The following TAFA1 variants were observed in gnomAD, a reference collection of about 807,000 sequenced individuals.
The protein encoded by TAFA1 is TAFA chemokine like family member 1.
TAFA1 carries 4 observed loss-of-function variants against 18.5 expected under a neutral mutation model. The ratio of observed to expected loss-of-function variants is 0.22; its 90% CI spans 0.11 to 0.49. TAFA1 has a LOEUF of 0.49. Ranked by LOEUF, TAFA1 falls within the 20% of genes least tolerant of loss-of-function variation. The pLI, the probability that TAFA1 is intolerant of heterozygous loss-of-function variation, is 0.98. For synonymous variants in TAFA1, 56 were observed against 55.2 expected, an observed-to-expected ratio of 1.01 and a Z score of -0.06; for missense variants, 147 against 169.0, an observed-to-expected ratio of 0.87 and a Z score of 0.72.
At chr3:68,333,492 G>A (rs1304643595) in intron 2 of TAFA1, among the ~76,000 whole-genome samples, 1 of 152,000 alleles carries the variant, frequency 6.6e-6, no homozygotes, top group Non-Finnish European at 1.5e-5. Context: ...GAGGGTGGGT[G>A]GAGGGTGATC....
At chr3:68,038,387 G>A (rs3928184) in intron 2 of TAFA1, among the ~76,000 whole-genome samples, 10,086 of 152,194 alleles carry the variant, frequency 0.066, 373 homozygotes, top group Non-Finnish European at 0.086. Context: ...AACCAATCAG[G>A]AATTCTGTAT....
chr3:68,406,676 T>C lies in TAFA1; in HGVS notation c.119-10604T>C, dbSNP rs193041510. Among the ~76,000 whole-genome samples, 727 of 152,288 alleles carry C rather than the reference T, an allele frequency of 4.8e-3. 9 individuals are homozygous for C. The highest frequency in any genetic ancestry group is 0.01 in the Middle Eastern group (3 of 294). On this transcript the variant is annotated intron_variant, in intron 2 of 4. Transcript: ENST00000478136. ...AATTTGAGGACAGAGAATAGAAAAG[T>C]GGAGATATATCCTCAGCCTTATTTT...
chr3:68,014,922 G>A (rs1246807084), intron 2 of TAFA1, among the ~76,000 whole-genome samples: 1 of 152,050 alleles, frequency 6.6e-6, no homozygotes, highest in African/African-American at 2.4e-5. Flanking sequence ...CAAGACTGAT[G>A]GCTCTATCCT....
At chr3:68,145,605 C>T (rs57701717) in intron 2 of TAFA1, 57,904 of 1,471,228 alleles carry the variant, frequency 0.039, 1,963 homozygotes, top group African/African-American at 0.16. Context: ...GCCAGACTGA[C>T]GGATTATGTG....
At chr3:68,313,846 T>C (rs2068562392) in intron 2 of TAFA1, among the ~76,000 whole-genome samples, 1 of 152,222 alleles carries the variant, frequency 6.6e-6, no homozygotes, top group Admixed American at 6.5e-5. Context: ...TTAAAGTCAA[T>C]TTCCATAGAA....
intron 2 of TAFA1, among the ~76,000 whole-genome samples, chr3:68,367,682 C>G (rs1335186940): frequency 6.6e-6 from 1 of 152,084 alleles, no homozygotes; most frequent in African/African-American, 2.4e-5. Context: ...TCTAGTCCAA[C>G]CATACCCCAG....
chr3:68,130,067 T>A (rs1239410690), intron 2 of TAFA1, among the ~76,000 whole-genome samples: 1 of 152,140 alleles, frequency 6.6e-6, no homozygotes, highest in Non-Finnish European at 1.5e-5. Context: ...GGTTTTTATT[T>A]TATTTAATAT....
Position 68,331,856 on chromosome 3 carries a change from CTTTTTTTTT to C in TAFA1, c.119-85407_119-85399del, listed in dbSNP as rs60291932. The stretch of plus-strand genomic sequence containing the variant: ...TGGGTAAAGGATAGTCTTTTCTTTT[CTTTTTTTTT>C]TTTTTTTTTTTTTTTTGAGACGGAG... On this transcript the variant is annotated intron_variant, in intron 2 of 4. Transcript: ENST00000478136. Among the ~76,000 whole-genome samples the C allele has an allele frequency of 7.7e-3, 586 of 76,224 alleles. 4 individuals carry two copies. Among genetic ancestry groups the C allele is most frequent in the Middle Eastern group, 0.04 (2 of 50 alleles). The allele number at this position is 76,224 out of a possible 152,430, so 50.0% of individuals were successfully genotyped here.
chr3:68,020,866 A>T (rs2106795966), intron 2 of TAFA1, among the ~76,000 whole-genome samples: 1 of 152,246 alleles, frequency 6.6e-6, no homozygotes, highest in African/African-American at 2.4e-5. Flanking sequence ...ACGTAATTAC[A>T]GGTGAAGGTG....
intron 2 of TAFA1, among the ~76,000 whole-genome samples, chr3:68,415,174 C>T (rs573215802): frequency 1.1e-4 from 16 of 152,192 alleles, no homozygotes; most frequent in Admixed American, 2.6e-4. Flanking sequence ...TTTATTTCTT[C>T]TCCTTCGCTA....
chr3:68,337,931 A>G (rs2069003151), intron 2 of TAFA1, among the ~76,000 whole-genome samples: 1 of 152,204 alleles, frequency 6.6e-6, no homozygotes, highest in African/African-American at 2.4e-5. Context: ...AATTTCATTA[A>G]TTCACTGAAG....
intron 2 of TAFA1, among the ~76,000 whole-genome samples, chr3:68,245,546 G>C (rs538918842): frequency 6.6e-6 from 1 of 152,290 alleles, no homozygotes; most frequent in African/African-American, 2.4e-5. Flanking sequence ...GTGAACAAGA[G>C]GGTCACCTGA....
At chr3:68,230,383 G>T (rs1335111111) in intron 2 of TAFA1, among the ~76,000 whole-genome samples, 2 of 151,298 alleles carry the variant, frequency 1.3e-5, no homozygotes, top group East Asian at 3.9e-4. Flanking sequence ...TTGTCTTTCT[G>T]TGCCTGGCTT....
chr3:67,992,353 G>C, the TAFA1 span, among the ~76,000 whole-genome samples: 1 of 152,212 alleles, frequency 6.6e-6, no homozygotes, highest in African/African-American at 2.4e-5. Context: ...TATACTTAGA[G>C]AGGCAACACA....
At chr3:68,175,160 G>T (rs1443010033) in intron 2 of TAFA1, among the ~76,000 whole-genome samples, 1 of 151,842 alleles carries the variant, frequency 6.6e-6, no homozygotes, top group South Asian at 2.1e-4. Flanking sequence ...ACACCTGGAT[G>T]TCCAGGCAGA....
chr3:68,208,512 G>A (rs1221675680), intron 2 of TAFA1, among the ~76,000 whole-genome samples: 1 of 151,914 alleles, frequency 6.6e-6, no homozygotes, highest in Non-Finnish European at 1.5e-5. Context: ...CACCAATCAG[G>A]ACAAGGCTAC....
At chr3:68,523,224 A>G (rs773261898) in intron 3 of TAFA1, among the ~76,000 whole-genome samples, 8 of 152,252 alleles carry the variant, frequency 5.3e-5, no homozygotes, top group Non-Finnish European at 8.8e-5. Flanking sequence ...AACACTGCTC[A>G]GTTGTTTTTA....
At chr3:68,096,395 A>T (rs1381594839) in intron 2 of TAFA1, among the ~76,000 whole-genome samples, 2 of 152,140 alleles carry the variant, frequency 1.3e-5, no homozygotes, top group Non-Finnish European at 2.9e-5. Context: ...ATCCTGGCAA[A>T]ATTGCCCATG....
At chr3:68,304,295 A>G (rs1297723240) in intron 2 of TAFA1, among the ~76,000 whole-genome samples, 3 of 152,268 alleles carry the variant, frequency 2.0e-5, no homozygotes, top group African/African-American at 4.8e-5. Flanking sequence ...GTTAAAGCCC[A>G]GGTTAATACA....
Sources: gnomAD v4.1 joint callset for allele counts (sites outside exome capture counted in the v4.1 genomes callset) on GRCh38, gnomAD v4.1.1 for gene constraint, MANE v1.5 for transcripts, NCBI Gene and HGNC (gene_info 2026-07-23, HGNC 2026-07-21) for gene names.